MATCAP2: variants seen among roughly 807,000 people sequenced by gnomAD.
The protein encoded by MATCAP2 is putative tyrosine carboxypeptidase MATCAP2.
At chr7:36,347,321 T>A in the MATCAP2 span, among the ~76,000 whole-genome samples, 1 of 152,246 alleles carries the variant, frequency 6.6e-6, no homozygotes, top group Non-Finnish European at 1.5e-5. Flanking sequence ...TGATTTTGTT[T>A]AATGTTTAGC....
At chr7:36,354,356 T>C in the MATCAP2 span, among the ~76,000 whole-genome samples, 1 of 152,236 alleles carries the variant, frequency 6.6e-6, no homozygotes, top group East Asian at 1.9e-4. Context: ...GGCAGACTTA[T>C]CTGTGCGCGA....
chr7:36,350,510 T>C, the MATCAP2 span, among the ~76,000 whole-genome samples: 1 of 149,932 alleles, frequency 6.7e-6, no homozygotes, highest in Non-Finnish European at 1.5e-5. Flanking sequence ...GAGGTCTTCA[T>C]TGGCCTGGAC....
the MATCAP2 span, chr7:36,335,324 T>C: frequency 3.1e-5 from 24 of 783,118 alleles, no homozygotes; most frequent in Non-Finnish European, 5.0e-5. Context: ...AGAAGGAATG[T>C]GCAGCCAAAC....
At chr7:36,337,545 C>T in the MATCAP2 span, 13 of 152,270 alleles carry the variant, frequency 8.5e-5, no homozygotes, top group African/African-American at 2.9e-4. Flanking sequence ...AGCTGTCAGA[C>T]TAGTGAAGAG....
At chr7:36,341,337 G>C in the MATCAP2 span, among the ~76,000 whole-genome samples, 2 of 152,088 alleles carry the variant, frequency 1.3e-5, no homozygotes, top group Admixed American at 6.6e-5. Context: ...TGGGTAAGAA[G>C]AAAAAAGAGA....
At chr7:36,357,288 T>C in the MATCAP2 span, 2 of 1,614,074 alleles carry the variant, frequency 1.2e-6, no homozygotes, top group African/African-American at 2.7e-5. Flanking sequence ...CAAGTACCAC[T>C]GCTTGTCACA....
the MATCAP2 span, among the ~76,000 whole-genome samples, chr7:36,335,415 G>A: frequency 6.6e-6 from 1 of 152,180 alleles, no homozygotes; most frequent in Non-Finnish European, 1.5e-5. Context: ...TGGCTGTGCT[G>A]AGGAAGACAC....
At chr7:36,350,558 A>T in the MATCAP2 span, among the ~76,000 whole-genome samples, 1 of 140,428 alleles carries the variant, frequency 7.1e-6, no homozygotes, top group Non-Finnish European at 1.5e-5. Flanking sequence ...TTTTTGAGAC[A>T]GAGTCTCATT....
chr7:36,371,711 G>A, the MATCAP2 span, among the ~76,000 whole-genome samples: 1 of 152,170 alleles, frequency 6.6e-6, no homozygotes, highest in Non-Finnish European at 1.5e-5. Context: ...AAGGCTGCCA[G>A]AAAGTGTTGC....
At chr7:36,380,531 A>G in the MATCAP2 span, among the ~76,000 whole-genome samples, 1 of 152,238 alleles carries the variant, frequency 6.6e-6, no homozygotes, top group East Asian at 1.9e-4. Context: ...CAAGAGACCA[A>G]GGAGAATGGT....
the MATCAP2 span, among the ~76,000 whole-genome samples, chr7:36,375,447 T>A: frequency 6.6e-6 from 1 of 152,240 alleles, no homozygotes. Flanking sequence ...GCCAACTTCA[T>A]CTTGGTGGAT....
the MATCAP2 span, among the ~76,000 whole-genome samples, chr7:36,370,777 C>T: frequency 3.3e-3 from 505 of 152,292 alleles, 2 homozygotes; most frequent in African/African-American, 0.011. Flanking sequence ...CACCACGCCT[C>T]GCCATTAAAA....
At chr7:36,375,552 T>G in the MATCAP2 span, among the ~76,000 whole-genome samples, 2,963 of 152,322 alleles carry the variant, frequency 0.019, 96 homozygotes, top group African/African-American at 0.067. Flanking sequence ...AAATTCTCTT[T>G]TTTTGTTGTG....
chr7:36,358,373 G>GTT, the MATCAP2 span, among the ~76,000 whole-genome samples: 1 of 152,134 alleles, frequency 6.6e-6, no homozygotes, highest in African/African-American at 2.4e-5. Context: ...AAAAACCATT[G>GTT]TTAAGATTAA....
chr7:36,382,602 C>T, the MATCAP2 span, among the ~76,000 whole-genome samples: 1 of 152,118 alleles, frequency 6.6e-6, no homozygotes, highest in African/African-American at 2.4e-5. Context: ...ACACCATTCT[C>T]CTGCCTCAGC....
chr7:36,390,286 A>G, the MATCAP2 span: 1 of 601,138 alleles, frequency 1.7e-6, no homozygotes, highest in Non-Finnish European at 2.9e-6. Flanking sequence ...GTCTGTCCTA[A>G]AAGGCTGTTG....
the MATCAP2 span, among the ~76,000 whole-genome samples, chr7:36,374,768 T>A: frequency 1.3e-5 from 2 of 152,170 alleles, no homozygotes; most frequent in African/African-American, 4.8e-5. Flanking sequence ...AATTCCCACC[T>A]ATAAGTGAGA....
chr7:36,336,229 A>G, the MATCAP2 span: 9 of 1,534,734 alleles, frequency 5.9e-6, no homozygotes, highest in African/African-American at 1.4e-5. Context: ...GCAAGCTACC[A>G]CCAGTGGCTT....
chr7:36,367,052 G>A, the MATCAP2 span: 22 of 1,276,836 alleles, frequency 1.7e-5, no homozygotes, highest in Non-Finnish European at 1.7e-5. Context: ...GGCGCGGCGG[G>A]AGGCGGCTCT....
Sources: allele counts gnomAD v4.1 joint callset (sites outside exome capture counted in the v4.1 genomes callset), GRCh38; gene constraint gnomAD v4.1.1; transcripts MANE v1.5; gene names NCBI Gene and HGNC (gene_info 2026-07-23, HGNC 2026-07-21).